Variants in B3GALT5 observed in about 807,000 individuals in gnomAD.
The protein encoded by B3GALT5 is UDP-Gal:betaGlcNAc beta 1,3-galactosyltransferase, polypeptide 5.
For missense variants in B3GALT5, 328 were observed against 396.6 expected (o/e 0.83, Z 1.47); for synonymous variants, 156 against 158.6 (o/e 0.98, Z 0.12).
intron 1 of B3GALT5, among the ~76,000 whole-genome samples, chr21:39,644,917 G>A (rs2079322964): frequency 6.6e-6 from 1 of 152,144 alleles, no homozygotes; most frequent in Non-Finnish European, 1.5e-5. Flanking sequence ...GGATGGATGT[G>A]TGTTGACTGG....
In B3GALT5 at chr21:39,663,402, G is replaced by C. The variant is rs768638255; in HGVS notation, c.*1910G>C. On this transcript the variant is annotated 3_prime_UTR_variant, in exon 4 of 4. Coordinates refer to ENST00000684187, the MANE Select transcript of B3GALT5 (RefSeq NM_001356336.2). The stretch of plus-strand genomic sequence containing the variant: ...GGCGTGGGCTCTCCCTACTGCTTCT[G>C]TGTGTTCTTAAAGGATTTTCTTTGA... 1 of 152,160 alleles carries C rather than the reference G, an allele frequency of 6.6e-6. No individual in the cohort carries two copies. The highest frequency in any genetic ancestry group is 1.5e-5 in the Non-Finnish European group (1 of 68,066). 9.4% of individuals were successfully genotyped at this position (152,160 alleles called of 1,614,324 possible). A position where few individuals can be genotyped will look rare whatever the true frequency, so the allele number is the denominator to read the frequency against.
intron 2 of B3GALT5, among the ~76,000 whole-genome samples, chr21:39,653,118 C>T (rs1157716495): frequency 1.3e-5 from 2 of 152,168 alleles, no homozygotes; most frequent in African/African-American, 2.4e-5. Flanking sequence ...CAATAATTCT[C>T]CACCAAAGAT....
At chr21:39,624,540 A>C (rs978398802) in intron 1 of B3GALT5, among the ~76,000 whole-genome samples, 7 of 152,154 alleles carry the variant, frequency 4.6e-5, no homozygotes, top group African/African-American at 1.4e-4. Context: ...CTTTGAAGAG[A>C]AACAGGTGCC....
At position 39,670,429 on chromosome 21, in the gene B3GALT5, G is replaced by A. The variant is rs994930273; in HGVS notation, c.*8937G>A. 10 of 152,178 alleles carry A rather than the reference G, an allele frequency of 6.6e-5. No individual in the cohort carries two copies. Among genetic ancestry groups the A allele is most frequent in the African/African-American group, 2.4e-4 (10 of 41,430 alleles). The allele number at this position is 152,178 out of a possible 1,614,324, so 9.4% of individuals were successfully genotyped here. The stretch of plus-strand genomic sequence containing the variant: ...CCCCCACTGCCCTCCTCAGCTGTTG[G>A]GGTGGCAGGGTGGAGTTGAGGGCCT... On this transcript the variant is annotated 3_prime_UTR_variant, in exon 4 of 4. Transcript: ENST00000684187.
In B3GALT5 at chr21:39,662,191, G is replaced by A. The variant is rs2079534208; in HGVS notation, c.*699G>A. The A allele has an allele frequency of 6.0e-6, 1 of 167,116 alleles. No individual in the cohort carries two copies. Among genetic ancestry groups the A allele is most frequent in the African/African-American group, 2.4e-5 (1 of 41,440 alleles). The allele number at this position is 167,116 out of a possible 1,614,324, so 10.4% of individuals were successfully genotyped here. The stretch of plus-strand genomic sequence containing the variant: ...CAGCTCACATGCTGAGGAACACCCA[G>A]CTCTGGACAGAGTTCTTATAAATGT... On this transcript the variant is annotated 3_prime_UTR_variant, in exon 4 of 4. Coordinates refer to ENST00000684187, the MANE Select transcript of B3GALT5 (RefSeq NM_001356336.2).
Position 39,661,234 on chromosome 21 carries a change from G to A in B3GALT5, c.675G>A (p.Val225=). 6.2e-7 allele frequency: 1 copy of A among 1,614,162 alleles called. No individual in the cohort carries two copies. The highest frequency in any genetic ancestry group is 8.5e-7 in the Non-Finnish European group (1 of 1,180,054). Residue 225 remains valine, a synonymous_variant, in exon 4 of 4, where the codon GTG becomes GTA. Transcript: ENST00000684187. This position sits in a 1 kb window ranked among gnomAD's most constrained non-coding sequence, Gnocchi z 4.7. ...CCGGCTACGTGTTTTCTGGCGACGT[G>A]GCGAGTCAGGTGTACAATGTCTCCA... ...SGTGYVFSGD[V]ASQVYNVSKS...
chr21:39,626,319 T>A (rs2079163678), intron 1 of B3GALT5, among the ~76,000 whole-genome samples: 1 of 152,264 alleles, frequency 6.6e-6, no homozygotes, highest in Admixed American at 6.5e-5. Flanking sequence ...TTTGTTTGTC[T>A]ATTCATCTAC....
intron 1 of B3GALT5, among the ~76,000 whole-genome samples, chr21:39,626,761 G>T (rs2079166060): frequency 6.6e-6 from 1 of 152,016 alleles, no homozygotes; most frequent in Non-Finnish European, 1.5e-5. Flanking sequence ...GTCTATTCAA[G>T]TCCTTTGCCC....
At chr21:39,634,361 C>T (rs560405864) in intron 1 of B3GALT5, among the ~76,000 whole-genome samples, 15 of 152,220 alleles carry the variant, frequency 9.9e-5, no homozygotes, top group Non-Finnish European at 2.1e-4. Context: ...TGTCCCGATC[C>T]GACTTCAGAG....
intron 1 of B3GALT5, among the ~76,000 whole-genome samples, chr21:39,613,729 C>T (rs2079093080): frequency 6.6e-6 from 1 of 152,250 alleles, no homozygotes. Flanking sequence ...TGTTCTCACA[C>T]ACACCGCACC....
Position 39,642,231 on chromosome 21 carries a change from T to C in B3GALT5, c.-391-4161T>C, listed in dbSNP as rs16998051. Among the ~76,000 whole-genome samples the C allele has an allele frequency of 4.1e-3, 624 of 152,368 alleles. 5 individuals carry two copies. Among genetic ancestry groups the C allele is most frequent in the East Asian group, 0.023 (119 of 5,194 alleles). On this transcript the variant is annotated intron_variant, in intron 1 of 3. Coordinates refer to ENST00000684187, the MANE Select transcript of B3GALT5 (RefSeq NM_001356336.2). ...GCTCTGAGCTAGGCACGAGAATTAT[T>C]AATTGAAGAAAGCAAAGGTCAGCTT...
intron 1 of B3GALT5, among the ~76,000 whole-genome samples, chr21:39,616,692 T>G (rs1432847129): frequency 6.6e-6 from 1 of 152,218 alleles, no homozygotes; most frequent in East Asian, 1.9e-4. Context: ...TTCCCAGAGC[T>G]TCCTTTGGTG....
rs866752104 is a variant in B3GALT5, at chr21:39,666,148, A to G, written c.*4656A>G. The G allele has an allele frequency of 2.6e-5, 4 of 152,280 alleles. No individual in the cohort carries two copies. The South Asian group carries it at 8.3e-4, about 32-fold the overall frequency. 9.4% of individuals were successfully genotyped at this position (152,280 alleles called of 1,614,324 possible). ...GACTCTGTGACCTGAAAACCTAGAA[A>G]TGCTCCACAGCCATGCTCTTCACCC... is the stretch of plus-strand genomic sequence containing the variant. On this transcript the variant is annotated 3_prime_UTR_variant, in exon 4 of 4. Coordinates refer to ENST00000684187, the MANE Select transcript of B3GALT5 (RefSeq NM_001356336.2).
chr21:39,620,450 G>A (rs1209641614), intron 1 of B3GALT5, among the ~76,000 whole-genome samples: 1 of 152,192 alleles, frequency 6.6e-6, no homozygotes, highest in Non-Finnish European at 1.5e-5. Context: ...TAGTTTACAT[G>A]TAGAGTCTCT....
intron 1 of B3GALT5, among the ~76,000 whole-genome samples, chr21:39,615,042 GCCCTGC>G (rs2079100370): frequency 6.6e-6 from 1 of 152,086 alleles, no homozygotes; most frequent in Non-Finnish European, 1.5e-5. Flanking sequence ...AAGCTTCGTG[GCCCTGC>G]ATAAACCCAG....
intron 1 of B3GALT5, among the ~76,000 whole-genome samples, chr21:39,645,415 G>A (rs2079327841): frequency 6.6e-6 from 1 of 152,200 alleles, no homozygotes; most frequent in African/African-American, 2.4e-5. Context: ...AGCCAGAGAT[G>A]GCTTCTTTTT....
intron 2 of B3GALT5, among the ~76,000 whole-genome samples, chr21:39,652,544 A>T (rs545581884): frequency 7.2e-5 from 11 of 152,192 alleles, no homozygotes; most frequent in Non-Finnish European, 1.5e-4. Flanking sequence ...GGGCCTTCTG[A>T]TTCCAAATTC....
intron 1 of B3GALT5, among the ~76,000 whole-genome samples, chr21:39,614,293 T>C (rs952505099): frequency 2.6e-5 from 4 of 152,232 alleles, no homozygotes; most frequent in Non-Finnish European, 4.4e-5. Context: ...CCTTTCATTT[T>C]TTCCTTCTCT....
intron 1 of B3GALT5, among the ~76,000 whole-genome samples, chr21:39,638,354 C>G (rs968751382): frequency 6.6e-6 from 1 of 152,140 alleles, no homozygotes; most frequent in African/African-American, 2.4e-5. Context: ...GGCGGCTGGA[C>G]GTCAAGAGAA....
Sources: gnomAD v4.1 joint callset for allele counts (sites outside exome capture counted in the v4.1 genomes callset) on GRCh38, gnomAD v4.1.1 for gene constraint, Gnocchi (gnomAD v3.1) non-coding constraint, MANE v1.5 for transcripts, NCBI Gene and HGNC (gene_info 2026-07-23, HGNC 2026-07-21) for gene names.